The following MYBPC1 variants were observed in gnomAD, a reference collection of about 807,000 sequenced individuals.
MYBPC1 encodes myosin binding protein C1, also known as myosin-binding protein C, slow-type.
MYBPC1 carries 52 observed loss-of-function variants against 147.1 expected under a neutral mutation model. The observed-to-expected ratio is 0.35, with a 90% CI of 0.28 to 0.45. MYBPC1 has a LOEUF of 0.45. MYBPC1 is among the 20% of genes least tolerant of loss of function. MYBPC1 has a pLI of 1.00. For synonymous variants in MYBPC1, 477 were observed against 475.9 expected (o/e 1.00, Z -0.03); for missense variants, 1,228 against 1,440.3 (o/e 0.85, Z 2.39).
At chr12:101,681,321 T>G (rs1198177599) in intron 29 of MYBPC1, among the ~76,000 whole-genome samples, 2 of 151,830 alleles carry the variant, frequency 1.3e-5, no homozygotes, top group East Asian at 3.9e-4. Flanking sequence ...ATAGGTGACA[T>G]GATCCTAATG....
chr12:101,608,826 G>C (rs1883235476), intron 1 of MYBPC1, among the ~76,000 whole-genome samples: 1 of 152,212 alleles, frequency 6.6e-6, no homozygotes, highest in African/African-American at 2.4e-5. Flanking sequence ...TGTGTTGACA[G>C]TAAGAAGAAA....
At chr12:101,636,752 G>A (rs374280471) in intron 10 of MYBPC1, 24 bp downstream of exon 10, 2 of 1,605,770 alleles carry the variant, frequency 1.2e-6, no homozygotes, top group African/African-American at 2.7e-5. Flanking sequence ...GATGGAGTGA[G>A]ACATTGTGGC....
chr12:101,623,831 C>T (rs528269016), intron 3 of MYBPC1, among the ~76,000 whole-genome samples: 6 of 152,220 alleles, frequency 3.9e-5, no homozygotes, highest in Middle Eastern at 3.4e-3. Context: ...GAGTTATTTT[C>T]GTTTTGAACA....
intron 24 of MYBPC1, among the ~76,000 whole-genome samples, chr12:101,672,813 A>G (rs1899006670): frequency 6.6e-6 from 1 of 152,110 alleles, no homozygotes; most frequent in South Asian, 2.1e-4. Flanking sequence ...GTGCCACTGC[A>G]CTCCAGCCTG....
chr12:101,644,850 G>A, intron 12 of MYBPC1, 54 bp downstream of exon 12: 1 of 1,533,862 alleles, frequency 6.5e-7, no homozygotes, highest in South Asian at 1.1e-5. Flanking sequence ...TAATCAAATA[G>A]TAGTTCGACT....
intron 9 of MYBPC1, 101 bp downstream of exon 9, chr12:101,634,706 A>T (rs1187170488): frequency 2.0e-6 from 2 of 990,596 alleles, no homozygotes; most frequent in African/African-American, 3.2e-5. Context: ...CCAAATACGA[A>T]CAACACTTTT....
intron 12 of MYBPC1, 35 bp from the exon 13 acceptor site, chr12:101,646,728 A>G (rs1893235471): frequency 6.2e-7 from 1 of 1,609,934 alleles, no homozygotes; most frequent in Non-Finnish European, 8.5e-7. Flanking sequence ...AATCACATTC[A>G]CAGACTCTGT....
At chr12:101,670,229 T>C (rs1898344783) in intron 23 of MYBPC1, 92 bp from the exon 24 acceptor site, 1 of 960,438 alleles carries the variant, frequency 1.0e-6, no homozygotes, top group South Asian at 1.3e-5. Context: ...GCCACAAGGG[T>C]ACGCTGGTGA....
At position 101,631,526 on chromosome 12, in the gene MYBPC1, T is replaced by C. The variant is rs1185496313; in HGVS notation, c.290-45T>C. 4 of 1,607,464 alleles carry C rather than the reference T, an allele frequency of 2.5e-6. No homozygotes were observed. The South Asian group carries it at 3.3e-5, about 13-fold the overall frequency. ...TCCTTCCAGTTGAAAGCAAAACAAATGACGCTTGTTAAAGAGCAAGCTGAA... is the reference window on the plus strand; with the variant it reads ...TCCTTCCAGTTGAAAGCAAAACAAACGACGCTTGTTAAAGAGCAAGCTGAA... On this transcript the variant is annotated intron_variant, in intron 6 of 31. Transcript: ENST00000361466.
At chr12:101,677,169 C>T in intron 26 of MYBPC1, 66 bp from the exon 27 acceptor site, 1 of 1,510,638 alleles carries the variant, frequency 6.6e-7, no homozygotes, top group Non-Finnish European at 9.1e-7. Context: ...TTATCCCAAT[C>T]TACAGTTAGA....
intron 20 of MYBPC1, among the ~76,000 whole-genome samples, 196 bp downstream of exon 20, chr12:101,661,458 A>T (rs1383925565): frequency 6.6e-6 from 1 of 152,234 alleles, no homozygotes; most frequent in Non-Finnish European, 1.5e-5. Context: ...GATGAATATC[A>T]TCTGATTGCT....
Position 101,638,792 on chromosome 12 carries a change from T to C in MYBPC1, c.665+2064T>C, listed in dbSNP as rs554159810. Among the ~76,000 whole-genome samples the C allele has an allele frequency of 3.3e-5, 5 of 152,322 alleles. No individual in the cohort carries two copies. The East Asian group carries it at 9.6e-4, about 29-fold the overall frequency. Reference sequence around the variant, plus strand: ...AAAATCACTTAATGGGCAGCCAACATGTCTCCAGTTCTCATTTTCTTTTAT... The same window carrying C: ...AAAATCACTTAATGGGCAGCCAACACGTCTCCAGTTCTCATTTTCTTTTAT... On this transcript the variant is annotated intron_variant, in intron 10 of 31. Coordinates refer to ENST00000361466, the MANE Select transcript of MYBPC1 (RefSeq NM_002465.4).
At chr12:101,676,425 C>A (rs1266529959) in intron 26 of MYBPC1, among the ~76,000 whole-genome samples, 1 of 151,914 alleles carries the variant, frequency 6.6e-6, no homozygotes, top group East Asian at 1.9e-4. Context: ...GATGACAGAA[C>A]AAGACTCCAT....
At chr12:101,674,862 CA>C (rs62824364) in intron 25 of MYBPC1, among the ~76,000 whole-genome samples, 1,666 of 59,792 alleles carry the variant, frequency 0.028, 28 homozygotes, top group East Asian at 0.14. Context: ...ACTCTGTCTC[CA>C]AAAAAAAAAA....
Position 101,652,802 on chromosome 12 carries a change from T to C in MYBPC1, c.1633+18T>C. The C allele has an allele frequency of 6.3e-7, 1 of 1,579,962 alleles. No individual in the cohort carries two copies. The highest frequency in any genetic ancestry group is 8.7e-7 in the Non-Finnish European group (1 of 1,149,038). ...TGTTATTGGTGAGTAGATAAAATAA[T>C]TCATTGCATAGTTGTGTTCTTTTTT... On this transcript the variant is annotated intron_variant, in intron 17 of 31. Transcript: ENST00000361466.
At chr12:101,656,260 G>GA (rs368017567) in intron 18 of MYBPC1, among the ~76,000 whole-genome samples, 27 of 151,866 alleles carry the variant, frequency 1.8e-4, no homozygotes, top group African/African-American at 6.3e-4. Flanking sequence ...ACAAAAGGCA[G>GA]AAAAAAATGT....
rs753062132 is a variant in MYBPC1 at position 101,682,594 on chromosome 12, G to A, written c.3434-10G>A. The A allele has an allele frequency of 6.8e-6, 11 of 1,609,578 alleles. No individual in the cohort carries two copies. In the South Asian group the frequency reaches 1.2e-4, roughly 18 times the overall value. On this transcript the variant is annotated splice_polypyrimidine_tract_variant and intron_variant, in intron 29 of 31. Coordinates refer to ENST00000361466, the MANE Select transcript of MYBPC1 (RefSeq NM_002465.4). ...AAATAAATACTGGTACAAATATTCT[G>A]ATTCTGCAGTGATATATCAAGGAGT...
intron 8 of MYBPC1, 44 bp downstream of exon 8, chr12:101,632,182 G>A (rs1227644933): frequency 1.5e-6 from 2 of 1,293,162 alleles, no homozygotes; most frequent in Non-Finnish European, 2.3e-6. Context: ...TTTTTAATGG[G>A]GTGTGAGGGG....
At chr12:101,634,055 G>C (rs757280140) in intron 8 of MYBPC1, among the ~76,000 whole-genome samples, 13 of 152,008 alleles carry the variant, frequency 8.6e-5, no homozygotes, top group Middle Eastern at 3.4e-3. Flanking sequence ...CGCCACCACG[G>C]CCGGCTAATT....
Sources: gnomAD v4.1 joint callset for allele counts (sites outside exome capture counted in the v4.1 genomes callset) on GRCh38, gnomAD v4.1.1 for gene constraint, MANE v1.5 for transcripts, NCBI Gene and HGNC (gene_info 2026-07-23, HGNC 2026-07-21) for gene names.